Variants in GIT2 observed in about 807,000 individuals in gnomAD.
GIT2 encodes the protein GIT ArfGAP 2.
A neutral mutation model predicts 100.3 loss-of-function variants in GIT2; 32 were observed. The observed-to-expected ratio is 0.32, with a 90% CI of 0.24 to 0.43. GIT2 has a LOEUF of 0.43. GIT2 is among the 20% of genes least tolerant of loss of function. The probability of loss-of-function intolerance (pLI) is 1.00; values close to 1 mark genes in which losing one functional copy is unlikely to be tolerated. For synonymous variants in GIT2, 353 were observed against 364.1 expected (o/e 0.97, Z 0.35); for missense variants, 737 against 975.1 (o/e 0.76, Z 3.25).
Position 109,951,179 on chromosome 12 carries a change from A to T in GIT2, c.1380T>A (p.Ile460=). 6.2e-7 allele frequency: 1 copy of T among 1,613,656 alleles called. No homozygotes were observed. Among genetic ancestry groups the T allele is most frequent in the South Asian group, 1.1e-5 (1 of 91,064 alleles). ...ATTAACATGTTACCTTTTTCTGCAT[A>T]ATTCTCAGCTCGTCACTCAAGTTGT... ...VNNNLSDELR[I]MQKKLQTLQS... The change falls in exon 14 of 20, where the codon ATT becomes ATA. Residue 460 remains isoleucine (I), a synonymous_variant. Coordinates refer to ENST00000355312, the MANE Select transcript of GIT2 (RefSeq NM_057169.5).
chr12:109,990,353 G>C (rs1021397788), intron 2 of GIT2, among the ~76,000 whole-genome samples: 8 of 152,140 alleles, frequency 5.3e-5, no homozygotes, highest in African/African-American at 1.9e-4. Context: ...CTCATCTCTG[G>C]ACTTTACTGA....
At position 109,934,407 on chromosome 12, in the gene GIT2, C is replaced by T. The variant is rs1484492435; in HGVS notation, c.2004-322G>A. Among the ~76,000 whole-genome samples the T allele has an allele frequency of 1.3e-5, 2 of 152,166 alleles. No individual in the cohort carries two copies. Among genetic ancestry groups the T allele is most frequent in the African/African-American group, 4.8e-5 (2 of 41,440 alleles). On this transcript the variant is annotated intron_variant, in intron 18 of 19. Coordinates refer to ENST00000355312, the MANE Select transcript of GIT2 (RefSeq NM_057169.5). This position sits in a 1 kb window ranked among gnomAD's most constrained non-coding sequence, Gnocchi z 4.5. ...ATTTACTTCTCATGTGTTTCATCGT[C>T]CCAATTTCTAGAAAGAGAAAGGATT...
chr12:109,952,131 T>C (rs1333224244), intron 13 of GIT2, among the ~76,000 whole-genome samples: 2 of 152,198 alleles, frequency 1.3e-5, no homozygotes, highest in Non-Finnish European at 2.9e-5. Context: ...CTCACAGTCA[T>C]GTGGGCCGAA....
chr12:109,981,256 T>G, intron 6 of GIT2: 1 of 475,570 alleles, frequency 2.1e-6, no homozygotes, highest in Non-Finnish European at 3.8e-6. Flanking sequence ...CGCCTTTCCT[T>G]TATTAAGGCC....
intron 13 of GIT2, chr12:109,952,462 T>C: frequency 1.9e-6 from 1 of 518,300 alleles, no homozygotes; most frequent in Non-Finnish European, 3.9e-6. Context: ...CATGGCATCC[T>C]GGGCTCTGCA....
At chr12:109,961,407 C>T (rs1881024736) in intron 10 of GIT2, 32 bp from the exon 11 acceptor site, 2 of 1,361,174 alleles carry the variant, frequency 1.5e-6, no homozygotes, top group East Asian at 2.3e-5. Context: ...AGACAAACCT[C>T]ATCACGCCTG....
chr12:109,970,341 A>C (rs1191835557), intron 7 of GIT2, among the ~76,000 whole-genome samples: 1 of 152,054 alleles, frequency 6.6e-6, no homozygotes, highest in African/African-American at 2.4e-5. Context: ...AAAATACAAA[A>C]AATTACCTGG....
chr12:109,999,987 C>T (rs1052895924), upstream of GIT2, among the ~76,000 whole-genome samples: 1 of 152,232 alleles, frequency 6.6e-6, no homozygotes, highest in African/African-American at 2.4e-5. The surrounding 1 kb of genome is among the most constrained non-coding windows in gnomAD (Gnocchi z 4.3). Flanking sequence ...TCTCTCTTCA[C>T]CTTTCCAATA....
chr12:109,942,205 A>G (rs1874966985), intron 16 of GIT2, among the ~76,000 whole-genome samples: 1 of 152,204 alleles, frequency 6.6e-6, no homozygotes, highest in Non-Finnish European at 1.5e-5. Flanking sequence ...ATACACATAT[A>G]TGAATAGATA....
intron 12 of GIT2, among the ~76,000 whole-genome samples, chr12:109,958,801 T>G (rs538287431): frequency 6.6e-6 from 1 of 152,214 alleles, no homozygotes; most frequent in Non-Finnish European, 1.5e-5. Context: ...ATTTCTATAA[T>G]TAGAAAAAAC....
chr12:109,931,808 T>A lies in GIT2; in HGVS notation c.*1170A>T, dbSNP rs1871677208. On this transcript the variant is annotated 3_prime_UTR_variant, in exon 20 of 20. Coordinates refer to ENST00000355312, the MANE Select transcript of GIT2 (RefSeq NM_057169.5). ...AAACAATCTGAGCATGTTCCAGCAC[T>A]TCAACCTTACTCTTTCAGAGCTTTG... The A allele has an allele frequency of 6.6e-6, 1 of 152,262 alleles. No individual in the cohort carries two copies. The highest frequency in any genetic ancestry group is 6.5e-5 in the Admixed American group (1 of 15,284). The allele number at this position is 152,262 out of a possible 1,614,324, so 9.4% of individuals were successfully genotyped here.
intron 11 of GIT2, among the ~76,000 whole-genome samples, chr12:109,960,346 G>A (rs1880720461): frequency 6.6e-6 from 1 of 152,132 alleles, no homozygotes; most frequent in African/African-American, 2.4e-5. Context: ...AGTTTAGGCC[G>A]GGTGCAGTGG....
chr12:109,971,919 G>A (rs142707636), intron 7 of GIT2, among the ~76,000 whole-genome samples: 10,655 of 151,054 alleles, frequency 0.071, 616 homozygotes, highest in African/African-American at 0.15. Flanking sequence ...GCTTGAACCC[G>A]GGAGGCGGAG....
At chr12:109,941,415 AGGAAGATCATGGGCAAGCACT>A (rs1300630002) in intron 16 of GIT2, among the ~76,000 whole-genome samples, 2 of 152,238 alleles carry the variant, frequency 1.3e-5, no homozygotes, top group East Asian at 3.8e-4. Flanking sequence ...AGTTTATAGC[AGGAAGATCATGGGCAAGCACT>A]GTGGTCTTCC....
intron 7 of GIT2, among the ~76,000 whole-genome samples, chr12:109,978,388 T>G (rs1195614780): frequency 6.6e-6 from 1 of 152,070 alleles, no homozygotes; most frequent in Non-Finnish European, 1.5e-5. Flanking sequence ...TGTCCCAAAT[T>G]TAGAGGGTTT....
intron 2 of GIT2, among the ~76,000 whole-genome samples, chr12:109,990,418 C>T (rs1245813258): frequency 2.0e-5 from 3 of 152,218 alleles, no homozygotes; most frequent in African/African-American, 4.8e-5. Flanking sequence ...GAGCAGTAAA[C>T]AGCCCCTTTC....
chr12:110,000,098 C>T (rs562642123), upstream of GIT2, among the ~76,000 whole-genome samples: 8 of 152,278 alleles, frequency 5.3e-5, no homozygotes, highest in African/African-American at 1.4e-4. Context: ...TGATAAATGC[C>T]AAGTCGGGAT....
chr12:109,993,144 GCTGTC>G (rs1888732110), intron 1 of GIT2, among the ~76,000 whole-genome samples: 1 of 152,042 alleles, frequency 6.6e-6, no homozygotes. Flanking sequence ...AGCTTCATTA[GCTGTC>G]CTTTGAAACA....
At position 109,978,168 on chromosome 12, in the gene GIT2, T is replaced by C. The variant is rs1225599144; in HGVS notation, c.718+2784A>G. Among the ~76,000 whole-genome samples the C allele has an allele frequency of 4.2e-5, 6 of 143,926 alleles. No homozygotes were observed. The South Asian group carries it at 1.5e-3, about 36-fold the overall frequency. 94.4% of individuals were successfully genotyped at this position (143,926 alleles called of 152,430 possible). On this transcript the variant is annotated intron_variant, in intron 7 of 19. Coordinates refer to ENST00000355312, the MANE Select transcript of GIT2 (RefSeq NM_057169.5). Reference sequence around the variant, plus strand: ...CTCAATCTGGACTCACTGCAACCTCTACCTCCCAGGTTCAAGTGATTCTTG... The same window carrying C: ...CTCAATCTGGACTCACTGCAACCTCCACCTCCCAGGTTCAAGTGATTCTTG...
Sources: allele counts gnomAD v4.1 joint callset (sites outside exome capture counted in the v4.1 genomes callset), GRCh38; gene constraint gnomAD v4.1.1; non-coding constraint Gnocchi (gnomAD v3.1); transcripts MANE v1.5; gene names NCBI Gene and HGNC (gene_info 2026-07-23, HGNC 2026-07-21).